CADPS2: variants seen among roughly 807,000 people sequenced by gnomAD.
The protein encoded by CADPS2 is calcium dependent secretion activator 2, also known as calcium-dependent secretion activator 2.
In CADPS2, 93 loss-of-function variants were observed where a neutral mutation model predicts 172.5. The ratio of observed to expected loss-of-function variants is 0.54; its 90% CI spans 0.46 to 0.64. The LOEUF is 0.64. CADPS2 is among the 30% of genes least tolerant of loss of function. The pLI, the probability that CADPS2 is intolerant of heterozygous loss-of-function variation, is 0.00. For missense variants in CADPS2, 1,420 were observed against 1,565.9 expected (o/e 0.91, Z 1.57); for synonymous variants, 546 against 555.2 (o/e 0.98, Z 0.23).
At chr7:122,334,440 C>T (rs1045885893) in intron 28 of CADPS2, among the ~76,000 whole-genome samples, 5 of 152,116 alleles carry the variant, frequency 3.3e-5, no homozygotes, top group African/African-American at 9.7e-5. Flanking sequence ...TTGTTGGCTT[C>T]GTTGAGCTGT....
At chr7:122,361,085 T>A (rs2040062026) in intron 25 of CADPS2, 72 bp from the exon 26 acceptor site, 1 of 1,275,308 alleles carries the variant, frequency 7.8e-7, no homozygotes, top group Admixed American at 2.1e-5. Flanking sequence ...AAACAATTCC[T>A]GAATCAATTT....
chr7:122,452,272 T>C (rs1400623629), intron 14 of CADPS2, among the ~76,000 whole-genome samples: 1 of 152,238 alleles, frequency 6.6e-6, no homozygotes, highest in African/African-American at 2.4e-5. Context: ...ACTGTCTTGT[T>C]AGTGCAGAGG....
intron 2 of CADPS2, among the ~76,000 whole-genome samples, chr7:122,672,871 A>G (rs1419317275): frequency 1.3e-5 from 2 of 152,220 alleles, no homozygotes; most frequent in African/African-American, 4.8e-5. Context: ...TGCTGACTTC[A>G]ATAATGAAGC....
chr7:122,614,737 C>A (rs764811003), intron 6 of CADPS2, among the ~76,000 whole-genome samples: 15 of 152,134 alleles, frequency 9.9e-5, no homozygotes, highest in Non-Finnish European at 4.4e-5. Context: ...TTCTCTAGCC[C>A]GCTCACTAAG....
chr7:122,713,205 T>C (rs1386083931), intron 2 of CADPS2, among the ~76,000 whole-genome samples: 1 of 152,128 alleles, frequency 6.6e-6, no homozygotes, highest in East Asian at 1.9e-4. Context: ...TTGTTTTATA[T>C]AATTTTCACA....
chr7:122,766,247 C>A (rs1422439425), intron 1 of CADPS2, among the ~76,000 whole-genome samples: 1 of 152,044 alleles, frequency 6.6e-6, no homozygotes, highest in African/African-American at 2.4e-5. Flanking sequence ...ATCTCCCACT[C>A]CCTACCACAC....
intron 14 of CADPS2, 100 bp downstream of exon 14, chr7:122,471,275 A>G (rs923474804): frequency 1.3e-5 from 8 of 628,648 alleles, no homozygotes; most frequent in Non-Finnish European, 1.8e-5. Flanking sequence ...AGTGTTTGCT[A>G]TTTACAATCT....
chr7:122,661,996 C>T (rs1203352543), intron 3 of CADPS2, among the ~76,000 whole-genome samples: 2 of 152,168 alleles, frequency 1.3e-5, no homozygotes, highest in African/African-American at 4.8e-5. Flanking sequence ...AAATCAATTA[C>T]AGTGAGTACA....
intron 3 of CADPS2, among the ~76,000 whole-genome samples, chr7:122,652,557 A>G (rs1021548428): frequency 6.6e-6 from 1 of 152,186 alleles, no homozygotes; most frequent in Non-Finnish European, 1.5e-5. Flanking sequence ...TTCCACTGAC[A>G]GATTATTCTT....
intron 25 of CADPS2, among the ~76,000 whole-genome samples, chr7:122,366,422 G>A (rs1343711294): frequency 6.8e-6 from 1 of 147,012 alleles, no homozygotes; most frequent in Non-Finnish European, 1.5e-5. Flanking sequence ...GGCCAACATA[G>A]TGAAACCCCA....
chr7:122,854,046 A>G (rs780278274), intron 1 of CADPS2, among the ~76,000 whole-genome samples: 4 of 152,130 alleles, frequency 2.6e-5, no homozygotes, highest in Non-Finnish European at 4.4e-5. Flanking sequence ...TGCTGGAGCG[A>G]TGTCCTCGGA....
chr7:122,320,781 G>C (rs1050736708), intron 29 of CADPS2, among the ~76,000 whole-genome samples: 6 of 152,092 alleles, frequency 3.9e-5, no homozygotes, highest in Non-Finnish European at 7.4e-5. Context: ...TGTGGAGGAA[G>C]AAGATTAATC....
intron 1 of CADPS2, among the ~76,000 whole-genome samples, chr7:122,842,861 T>C (rs1042315262): frequency 2.0e-5 from 3 of 152,084 alleles, no homozygotes; most frequent in East Asian, 3.9e-4. Context: ...GCCCAAGCAA[T>C]GCTTAGGTTG....
At chr7:122,784,531 T>C (rs1164537953) in intron 1 of CADPS2, among the ~76,000 whole-genome samples, 1 of 152,222 alleles carries the variant, frequency 6.6e-6, no homozygotes, top group Non-Finnish European at 1.5e-5. Context: ...TCTGAATGAT[T>C]ACATATCTCT....
chr7:122,695,996 A>G (rs1379378704), intron 2 of CADPS2, among the ~76,000 whole-genome samples: 1 of 152,222 alleles, frequency 6.6e-6, no homozygotes, highest in South Asian at 2.1e-4. Flanking sequence ...ATGACCCTGG[A>G]ACTCTAGGTG....
chr7:122,772,482 G>T (rs530291132), intron 1 of CADPS2, among the ~76,000 whole-genome samples: 2 of 152,220 alleles, frequency 1.3e-5, no homozygotes, highest in African/African-American at 4.8e-5. Context: ...CAGAAAACCA[G>T]AATGACCTGA....
chr7:122,829,114 TTC>T (rs1466651124), intron 1 of CADPS2, among the ~76,000 whole-genome samples: 1 of 152,212 alleles, frequency 6.6e-6, no homozygotes, highest in East Asian at 1.9e-4. Flanking sequence ...GATGATGTTA[TTC>T]TGTTTTTCCT....
intron 7 of CADPS2, among the ~76,000 whole-genome samples, chr7:122,572,968 T>C (rs111346213): frequency 1.8e-3 from 270 of 152,290 alleles, no homozygotes; most frequent in African/African-American, 6.1e-3. Flanking sequence ...AAAATTTGCA[T>C]GCCAAGTACT....
At chr7:122,613,213 A>G (rs185388314) in intron 6 of CADPS2, among the ~76,000 whole-genome samples, 50 of 152,276 alleles carry the variant, frequency 3.3e-4, no homozygotes, top group African/African-American at 1.1e-3. Context: ...GTGTTTCAAA[A>G]TACAAATCAA....
Sources: allele counts gnomAD v4.1 joint callset (sites outside exome capture counted in the v4.1 genomes callset), GRCh38; gene constraint gnomAD v4.1.1; transcripts MANE v1.5; gene names NCBI Gene and HGNC (gene_info 2026-07-23, HGNC 2026-07-21).